Variants in FRMD5 observed in about 807,000 individuals in gnomAD.
The protein encoded by FRMD5 is FERM domain-containing protein 5.
A neutral mutation model predicts 69.0 loss-of-function variants in FRMD5; 20 were observed. The observed-to-expected ratio is 0.29, with a 90% CI of 0.20 to 0.42. The LOEUF is 0.42. Ranked by LOEUF, FRMD5 falls within the 10% of genes least tolerant of loss-of-function variation. The probability of loss-of-function intolerance (pLI) is 1.00; values close to 1 mark genes in which losing one functional copy is unlikely to be tolerated. For synonymous variants in FRMD5, 271 were observed against 260.1 expected (o/e 1.04, Z -0.40); for missense variants, 595 against 708.6 (o/e 0.84, Z 1.82).
chr15:43,957,132 A>C (rs1178173430), intron 1 of FRMD5, among the ~76,000 whole-genome samples: 1 of 152,208 alleles, frequency 6.6e-6, no homozygotes, highest in Non-Finnish European at 1.5e-5. Flanking sequence ...AACCTTGTTT[A>C]CAGATGTGAG....
At chr15:44,116,771 T>TA (rs1288010244) in intron 1 of FRMD5, among the ~76,000 whole-genome samples, 2 of 152,024 alleles carry the variant, frequency 1.3e-5, no homozygotes, top group Non-Finnish European at 2.9e-5. Flanking sequence ...CATGTAACCT[T>TA]ACAAAATTTA....
At chr15:44,165,146 C>T (rs1483128503) in intron 1 of FRMD5, among the ~76,000 whole-genome samples, 5 of 152,286 alleles carry the variant, frequency 3.3e-5, no homozygotes, top group Admixed American at 1.3e-4. Flanking sequence ...CGGCCAGGAG[C>T]GGTGGCTCAC....
chr15:43,943,346 T>C (rs1363134605), intron 1 of FRMD5, among the ~76,000 whole-genome samples: 2 of 152,150 alleles, frequency 1.3e-5, no homozygotes, highest in African/African-American at 2.4e-5. Context: ...TCCTAAAGTG[T>C]TGGGATTACA....
chr15:44,095,918 G>A (rs1399502012), intron 1 of FRMD5, among the ~76,000 whole-genome samples: 1 of 152,236 alleles, frequency 6.6e-6, no homozygotes, highest in South Asian at 2.1e-4. Flanking sequence ...CTACATAAGA[G>A]TAAACTGGCC....
chr15:44,182,882 G>A (rs570852489), intron 1 of FRMD5, among the ~76,000 whole-genome samples: 8 of 151,996 alleles, frequency 5.3e-5, no homozygotes, highest in South Asian at 2.1e-4. Flanking sequence ...TGCAAGTTCC[G>A]CCTCCCGGGT....
At chr15:43,902,705 AG>A (rs2089076961) in intron 6 of FRMD5, among the ~76,000 whole-genome samples, 1 of 151,826 alleles carries the variant, frequency 6.6e-6, no homozygotes, top group South Asian at 2.1e-4. Flanking sequence ...AAAAAAAAAA[AG>A]AATGCAAGGC....
intron 1 of FRMD5, among the ~76,000 whole-genome samples, chr15:44,070,111 G>A (rs1057450066): frequency 1.3e-5 from 2 of 152,060 alleles, no homozygotes; most frequent in African/African-American, 2.4e-5. Context: ...ACCATTTCCA[G>A]AGGATTTATT....
intron 1 of FRMD5, among the ~76,000 whole-genome samples, chr15:44,004,526 A>G (rs4924731): frequency 0.9 from 136,968 of 152,188 alleles, 62,229 homozygotes; most frequent in East Asian, 1. Flanking sequence ...TTTTTCTTAC[A>G]GTGATCTGTG....
At chr15:43,898,020 ATTAAACCTC>A (rs1308778399) in intron 7 of FRMD5, among the ~76,000 whole-genome samples, 2 of 152,228 alleles carry the variant, frequency 1.3e-5, no homozygotes, top group Non-Finnish European at 2.9e-5. Flanking sequence ...CTATGAGTCA[ATTAAACCTC>A]TTTTCTTTAT....
rs139504003 is a variant in FRMD5 at position 43,952,397 on chromosome 15, G to A, written c.103-28088C>T. Among the ~76,000 whole-genome samples the A allele has an allele frequency of 6.8e-3, 1,036 of 152,300 alleles. 17 individuals carry two copies. Among genetic ancestry groups the A allele is most frequent in the African/African-American group, 0.024 (981 of 41,562 alleles). On this transcript the variant is annotated intron_variant, in intron 1 of 13. Coordinates refer to ENST00000417257, the MANE Select transcript of FRMD5 (RefSeq NM_032892.5). ...AGTTTTTAATGAGATTCCGCCCAGTGTCACAGCAGTACTTATGTAATTACT... is the reference window on the plus strand; with the variant it reads ...AGTTTTTAATGAGATTCCGCCCAGTATCACAGCAGTACTTATGTAATTACT...
chr15:44,047,089 T>C (rs1482039574), intron 1 of FRMD5, among the ~76,000 whole-genome samples: 5 of 152,152 alleles, frequency 3.3e-5, no homozygotes, highest in Non-Finnish European at 2.9e-5. Context: ...GGCGGATCAC[T>C]TGAAGTCAGG....
chr15:43,939,208 T>G (rs903520352), intron 1 of FRMD5, among the ~76,000 whole-genome samples: 4 of 152,014 alleles, frequency 2.6e-5, no homozygotes, highest in Non-Finnish European at 5.9e-5. Flanking sequence ...ATTTCTGAAT[T>G]TCTATATCCT....
chr15:43,877,459 C>T (rs1161347216), intron 13 of FRMD5, among the ~76,000 whole-genome samples: 3 of 152,226 alleles, frequency 2.0e-5, no homozygotes, highest in Non-Finnish European at 4.4e-5. Context: ...GCCGTTTGCA[C>T]CCAGGCAGCC....
At chr15:43,936,712 T>G (rs2089767834) in intron 1 of FRMD5, among the ~76,000 whole-genome samples, 1 of 151,148 alleles carries the variant, frequency 6.6e-6, no homozygotes, top group South Asian at 2.1e-4. Context: ...TGCTGGGTTC[T>G]GCCTTTTATC....
intron 1 of FRMD5, among the ~76,000 whole-genome samples, chr15:43,940,441 C>T (rs1468183633): frequency 6.6e-6 from 1 of 152,308 alleles, no homozygotes; most frequent in South Asian, 2.1e-4. Context: ...GGGAGATTAT[C>T]TCCCAAATTA....
At chr15:43,917,156 G>A (rs1424167491) in intron 4 of FRMD5, among the ~76,000 whole-genome samples, 4 of 152,128 alleles carry the variant, frequency 2.6e-5, no homozygotes, top group Non-Finnish European at 5.9e-5. Context: ...AAATTGGAAA[G>A]CCATGTGTCT....
At chr15:44,132,611 T>C (rs973642033) in intron 1 of FRMD5, among the ~76,000 whole-genome samples, 7 of 152,100 alleles carry the variant, frequency 4.6e-5, no homozygotes, top group Non-Finnish European at 8.8e-5. Flanking sequence ...CTATTTTTCG[T>C]AGAGACAGGG....
intron 1 of FRMD5, among the ~76,000 whole-genome samples, chr15:44,135,650 C>A (rs1054146103): frequency 6.6e-6 from 1 of 151,892 alleles, no homozygotes; most frequent in Non-Finnish European, 1.5e-5. Context: ...AATGGTGAAA[C>A]CCCATCTCTA....
At chr15:44,071,974 T>C (rs946877742) in intron 1 of FRMD5, among the ~76,000 whole-genome samples, 1 of 152,162 alleles carries the variant, frequency 6.6e-6, no homozygotes, top group African/African-American at 2.4e-5. Flanking sequence ...CAAGTGATTC[T>C]CCTGCCTCAG....
Sources: allele counts gnomAD v4.1 joint callset (sites outside exome capture counted in the v4.1 genomes callset), GRCh38; gene constraint gnomAD v4.1.1; transcripts MANE v1.5; gene names NCBI Gene and HGNC (gene_info 2026-07-23, HGNC 2026-07-21).